The following GTF2IRD2B variants were observed in gnomAD, a reference collection of about 807,000 sequenced individuals.
GTF2IRD2B encodes general transcription factor II-I repeat domain-containing protein 2B.
GTF2IRD2B carries 10 observed loss-of-function variants against 55.6 expected under a neutral mutation model. The ratio of observed to expected loss-of-function variants is 0.18; its 90% CI spans 0.11 to 0.31. The LOEUF (loss-of-function observed/expected upper bound fraction) is 0.31. Among genes scored for constraint, GTF2IRD2B ranks in the 10% least tolerant of loss-of-function variants. GTF2IRD2B has a pLI of 1.00. For missense variants in GTF2IRD2B, 206 were observed against 802.7 expected (o/e 0.26, Z 8.98); for synonymous variants, 107 against 320.5 (o/e 0.33, Z 7.12).
At chr7:75,114,032 G>A (rs1431924112) in intron 3 of GTF2IRD2B, among the ~76,000 whole-genome samples, 1 of 148,514 alleles carries the variant, frequency 6.7e-6, no homozygotes, top group Non-Finnish European at 1.5e-5. Context: ...TTAGATGGAT[G>A]GATAGATAAG....
In GTF2IRD2B at chr7:75,121,764, T is replaced by G. The variant is rs587740017; in HGVS notation, c.358+754T>G. On this transcript the variant is annotated intron_variant, in intron 4 of 15. Transcript: ENST00000472837. ...GTGAGCCGCCGTGCCTGGCCACCAG[T>G]TCTTTTTTTTTTTTGAGGCAGAGTC... Among the ~76,000 whole-genome samples the G allele has an allele frequency of 2.1e-4, 31 of 144,884 alleles. 1 individual carries two copies. Among genetic ancestry groups the G allele is most frequent in the Admixed American group, 1.7e-3 (24 of 14,132 alleles).
chr7:75,124,236 C>T (rs1554536030), intron 6 of GTF2IRD2B, among the ~76,000 whole-genome samples: 19 of 152,176 alleles, frequency 1.2e-4, no homozygotes, highest in Non-Finnish European at 2.1e-4. Context: ...GGCATGGTGG[C>T]GGGTGCGTGT....
chr7:75,130,539 G>T (rs1322342287), intron 8 of GTF2IRD2B, among the ~76,000 whole-genome samples: 1 of 151,562 alleles, frequency 6.6e-6, no homozygotes. Context: ...GTACAGTGGT[G>T]TGATCTCAGC....
At chr7:75,115,428 A>AT (rs1238190491) in intron 3 of GTF2IRD2B, among the ~76,000 whole-genome samples, 2,227 of 125,444 alleles carry the variant, frequency 0.018, 38 homozygotes, top group Middle Eastern at 0.032. Flanking sequence ...ATTTTTTTTT[A>AT]TTTTTTTTTT....
chr7:75,105,394 C>T (rs1180992834), intron 1 of GTF2IRD2B, among the ~76,000 whole-genome samples: 4 of 152,300 alleles, frequency 2.6e-5, no homozygotes, highest in Admixed American at 2.0e-4. Flanking sequence ...ATCCCAACTA[C>T]TCGGGGGGTT....
intron 1 of GTF2IRD2B, among the ~76,000 whole-genome samples, chr7:75,106,124 C>G (rs1416483264): frequency 6.6e-6 from 1 of 152,308 alleles, no homozygotes; most frequent in Non-Finnish European, 1.5e-5. Flanking sequence ...CAGTTTTGGT[C>G]GGGCTCAGTG....
In GTF2IRD2B at chr7:75,147,903, C is replaced by A; in HGVS notation, c.1456C>A (p.Leu486Ile). 1 of 1,589,410 alleles carries A rather than the reference C, an allele frequency of 6.3e-7. No homozygotes were observed. The highest frequency in any genetic ancestry group is 8.6e-7 in the Non-Finnish European group (1 of 1,158,310). ...QYTERMRDEK[L>I]HELKKGLRKY... is the part of the protein sequence containing the mutation. Reference sequence around the variant, plus strand: ...TACGGAAAGAATGCGTGACGAGAAGCTTCACGAGCTGAAAAAAGGGCTCAG... The same window carrying A: ...TACGGAAAGAATGCGTGACGAGAAGATTCACGAGCTGAAAAAAGGGCTCAG... Residue 486 changes from leucine (L) to isoleucine (I), a missense_variant, in exon 16 of 16, where the codon CTT becomes ATT. By Grantham distance (5) the Leu-to-Ile change is conservative. Transcript: ENST00000472837.
chr7:75,123,057 C>G (rs1225161541), intron 4 of GTF2IRD2B, 79 bp from the exon 5 acceptor site: 1 of 1,562,122 alleles, frequency 6.4e-7, no homozygotes, highest in Non-Finnish European at 8.6e-7. Flanking sequence ...TTCTACAAAA[C>G]AAAAAACAAA....
chr7:75,115,100 T>C (rs1422812599), intron 3 of GTF2IRD2B, among the ~76,000 whole-genome samples: 5 of 117,670 alleles, frequency 4.2e-5, no homozygotes, highest in Non-Finnish European at 9.2e-5. Flanking sequence ...GCCCAGCTTT[T>C]TTTTTTTTTT....
At chr7:75,106,509 AG>A in intron 1 of GTF2IRD2B, among the ~76,000 whole-genome samples, 1 of 142,428 alleles carries the variant, frequency 7.0e-6, no homozygotes, top group East Asian at 2.0e-4. Context: ...GGTAGCTGAC[AG>A]GTACTTAATT....
intron 4 of GTF2IRD2B, among the ~76,000 whole-genome samples, chr7:75,122,932 C>T (rs1163492674): frequency 6.7e-6 from 1 of 148,640 alleles, no homozygotes; most frequent in East Asian, 2.0e-4. Flanking sequence ...TGCCTGTAGT[C>T]CCAGCTACTC....
At chr7:75,132,492 C>G (rs1167730604) in intron 8 of GTF2IRD2B, among the ~76,000 whole-genome samples, 1 of 146,318 alleles carries the variant, frequency 6.8e-6, no homozygotes, top group Non-Finnish European at 1.5e-5. Flanking sequence ...GGACTAGAAT[C>G]AGAACTAAGC....
At chr7:75,105,108 A>G (rs2115698333) in intron 1 of GTF2IRD2B, among the ~76,000 whole-genome samples, 1 of 152,414 alleles carries the variant, frequency 6.6e-6, no homozygotes, top group South Asian at 2.1e-4. Flanking sequence ...AAATGGGAGG[A>G]TCAACTGAGC....
At chr7:75,102,247 C>A (rs1183058460) in intron 1 of GTF2IRD2B, among the ~76,000 whole-genome samples, 2 of 151,284 alleles carry the variant, frequency 1.3e-5, no homozygotes, top group African/African-American at 4.8e-5. Context: ...GTGATCCGTC[C>A]GCCTCGGCCT....
chr7:75,104,709 T>G (rs2115695184), intron 1 of GTF2IRD2B, among the ~76,000 whole-genome samples: 1 of 152,404 alleles, frequency 6.6e-6, no homozygotes, highest in African/African-American at 2.4e-5. Flanking sequence ...GTCTTTGCCG[T>G]TACATATTCT....
intron 2 of GTF2IRD2B, among the ~76,000 whole-genome samples, chr7:75,109,422 T>G (rs1807897558): frequency 7.1e-6 from 1 of 140,698 alleles, no homozygotes; most frequent in Admixed American, 7.4e-5. Context: ...CACTGCAACC[T>G]CCGCCTCCCG....
intron 12 of GTF2IRD2B, among the ~76,000 whole-genome samples, chr7:75,139,615 C>G (rs1808957022): frequency 2.4e-5 from 3 of 123,172 alleles, no homozygotes; most frequent in Non-Finnish European, 5.0e-5. Flanking sequence ...GCCTGGGCGA[C>G]AGAGTGAGAC....
chr7:75,149,505 C>G lies in GTF2IRD2B; in HGVS notation c.*208C>G, dbSNP rs1176673460. ...GAACGATTCTCCTGCCTCAGCCTCC[C>G]GAGCAGCTGGGACTACAGGCATGCG... On this transcript the variant is annotated 3_prime_UTR_variant, in exon 16 of 16. Coordinates refer to ENST00000472837, the MANE Select transcript of GTF2IRD2B (RefSeq NM_001003795.3). 2 of 561,354 alleles carry G rather than the reference C, an allele frequency of 3.6e-6. No individual in the cohort carries two copies. The allele number at this position is 561,354 out of a possible 1,614,324, so 34.8% of individuals were successfully genotyped here.
intron 1 of GTF2IRD2B, among the ~76,000 whole-genome samples, chr7:75,101,795 G>A (rs1322045709): frequency 7.0e-6 from 1 of 142,828 alleles, no homozygotes; most frequent in Non-Finnish European, 1.5e-5. Context: ...TCAGGAGGCT[G>A]AGGCAGGAGA....
Sources: allele counts gnomAD v4.1 joint callset (sites outside exome capture counted in the v4.1 genomes callset), GRCh38; gene constraint gnomAD v4.1.1; transcripts MANE v1.5; gene names NCBI Gene and HGNC (gene_info 2026-07-23, HGNC 2026-07-21).